The following BDNF variants were observed in gnomAD, a reference collection of about 807,000 sequenced individuals.
BDNF encodes the protein brain derived neurotrophic factor, also known as neurotrophic factor BDNF precursor form.
A neutral mutation model predicts 19.5 loss-of-function variants in BDNF; 1 was observed. The observed-to-expected ratio is 0.05, with a 90% CI of 0.02 to 0.24. BDNF has a LOEUF of 0.24. Ranked by LOEUF, BDNF falls within the 10% of genes least tolerant of loss-of-function variation. The probability of loss-of-function intolerance (pLI) is 1.00; values close to 1 mark genes in which losing one functional copy is unlikely to be tolerated. For synonymous variants in BDNF, 100 were observed against 121.6 expected (o/e 0.82, Z 1.17); for missense variants, 195 against 317.6 (o/e 0.61, Z 2.93).
At chr11:27,719,857 T>A in intron 1 of BDNF, 1 of 183,350 alleles carries the variant, frequency 5.5e-6, no homozygotes, top group Non-Finnish European at 1.0e-5. Context: ...CATTTTTTTG[T>A]GTTGGAGGTT....
chr11:27,694,503 G>A (rs72881243), intron 1 of BDNF, among the ~76,000 whole-genome samples: 8,493 of 151,496 alleles, frequency 0.056, 589 homozygotes, highest in African/African-American at 0.17. Flanking sequence ...TGTTGTGGGC[G>A]CATGCAAAAA....
At chr11:27,687,091 G>A (rs752298006) in intron 1 of BDNF, among the ~76,000 whole-genome samples, 1 of 152,108 alleles carries the variant, frequency 6.6e-6, no homozygotes, top group Non-Finnish European at 1.5e-5. Context: ...TTTCTTGGAG[G>A]CTTTGTTCCT....
exon 1 of BDNF, chr11:27,721,656 A>G: frequency 2.5e-5 from 15 of 595,086 alleles, no homozygotes; most frequent in South Asian, 1.4e-4. Flanking sequence ...CGAAAAACCT[A>G]TAGATTTACG....
At chr11:27,667,071 G>A (rs139873647) in intron 1 of BDNF, among the ~76,000 whole-genome samples, 398 of 151,518 alleles carry the variant, frequency 2.6e-3, no homozygotes, top group East Asian at 0.022. Context: ...AGCATCTTTC[G>A]GCAGAAACTC....
rs529687571 is a variant in BDNF, at chr11:27,656,700, T to G, written c.*1121A>C. ...GCTCTACCTTTTGCTTACAAGACATTGTTAAGCCTCACCATGAGTTTTTTT... is the reference window on the plus strand; with the variant it reads ...GCTCTACCTTTTGCTTACAAGACATGGTTAAGCCTCACCATGAGTTTTTTT... On this transcript the variant is annotated 3_prime_UTR_variant, in exon 2 of 2. Transcript: ENST00000356660. 5 of 985,564 alleles carry G rather than the reference T, an allele frequency of 5.1e-6. No homozygotes were observed. The African/African-American group carries it at 8.7e-5, about 17-fold the overall frequency. The allele number at this position is 985,564 out of a possible 1,614,324, so 61.1% of individuals were successfully genotyped here. A position where few individuals can be genotyped will look rare whatever the true frequency, so the allele number is the denominator to read the frequency against.
Position 27,655,407 on chromosome 11 carries a change from C to CTGGCCCTT in BDNF, c.*2406_*2413dup. The CTGGCCCTT allele has an allele frequency of 6.6e-6, 1 of 152,542 alleles. No homozygotes were observed. Among genetic ancestry groups the CTGGCCCTT allele is most frequent in the Middle Eastern group, 3.4e-3 (1 of 294 alleles). 9.4% of individuals were successfully genotyped at this position (152,542 alleles called of 1,614,324 possible). On this transcript the variant is annotated 3_prime_UTR_variant, in exon 2 of 2. Coordinates refer to ENST00000356660, the MANE Select transcript of BDNF (RefSeq NM_001709.5). ...TCTCCTATGAAACCACTTAACAGAT[C>CTGGCCCTT]TGGCCCTTGCAATCCTTTAAGTTTG...
At chr11:27,683,759 GTCTA>G (rs911040404) in intron 1 of BDNF, among the ~76,000 whole-genome samples, 1 of 152,172 alleles carries the variant, frequency 6.6e-6, no homozygotes, top group Non-Finnish European at 1.5e-5. Context: ...TGTTCCATTG[GTCTA>G]TCTATCTGTT....
chr11:27,703,945 C>A (rs183126193), upstream of BDNF, among the ~76,000 whole-genome samples: 5 of 152,256 alleles, frequency 3.3e-5, no homozygotes, highest in African/African-American at 1.2e-4. Flanking sequence ...TGTACCAGTG[C>A]CTTGCATGGA....
intron 1 of BDNF, among the ~76,000 whole-genome samples, chr11:27,693,812 A>C (rs951867415): frequency 1.3e-5 from 2 of 152,248 alleles, no homozygotes; most frequent in African/African-American, 2.4e-5. Context: ...TGAAGGCAGA[A>C]AGAAAGAATC....
At chr11:27,693,072 A>G (rs1253337172) in intron 1 of BDNF, among the ~76,000 whole-genome samples, 2 of 152,140 alleles carry the variant, frequency 1.3e-5, no homozygotes, top group Non-Finnish European at 2.9e-5. Context: ...CAAATTCCCT[A>G]TGCATCCTGG....
chr11:27,711,306 G>A (rs780912132), intron 1 of BDNF, among the ~76,000 whole-genome samples: 34 of 152,202 alleles, frequency 2.2e-4, no homozygotes, highest in Non-Finnish European at 4.1e-4. Context: ...TATTATTAAT[G>A]TATATGATCC....
chr11:27,703,116 A>T (rs1481020292), upstream of BDNF, among the ~76,000 whole-genome samples: 1 of 152,192 alleles, frequency 6.6e-6, no homozygotes, highest in Non-Finnish European at 1.5e-5. Flanking sequence ...TTTATTGTGG[A>T]ATATTTAATG....
At chr11:27,701,683 A>C, upstream of BDNF, 1 of 920,142 alleles carries the variant, frequency 1.1e-6, no homozygotes, top group South Asian at 5.0e-5. Flanking sequence ...CTGTCATATG[A>C]TACCTCCGCT....
At chr11:27,671,648 C>G (rs1855394755) in intron 1 of BDNF, among the ~76,000 whole-genome samples, 1 of 151,992 alleles carries the variant, frequency 6.6e-6, no homozygotes, top group Admixed American at 6.6e-5. Flanking sequence ...TTCCTGGGGC[C>G]TGAGATTAGA....
chr11:27,684,764 A>G (rs1398016101), intron 1 of BDNF, among the ~76,000 whole-genome samples: 2 of 152,066 alleles, frequency 1.3e-5, no homozygotes, highest in Non-Finnish European at 2.9e-5. Flanking sequence ...TTATCATGGT[A>G]GATAAGCTTT....
At chr11:27,665,120 ATC>A (rs1350572542) in intron 1 of BDNF, 15 of 152,220 alleles carry the variant, frequency 9.9e-5, no homozygotes, top group African/African-American at 3.6e-4. Context: ...TTCAGGTGGG[ATC>A]TGTTACAATT....
intron 1 of BDNF, among the ~76,000 whole-genome samples, chr11:27,669,168 C>A (rs1854893801): frequency 6.6e-6 from 1 of 152,094 alleles, no homozygotes; most frequent in Non-Finnish European, 1.5e-5. Context: ...CCATGATTAT[C>A]TCAATAGATG....
intron 1 of BDNF, chr11:27,697,760 CT>C (rs1859283907): frequency 1.3e-5 from 2 of 152,110 alleles, no homozygotes; most frequent in Admixed American, 1.3e-4. Context: ...AAAATATCAC[CT>C]TAAAATAAAG....
At position 27,656,998 on chromosome 11, in the gene BDNF, C is replaced by T. The variant is rs773522966; in HGVS notation, c.*823G>A. On this transcript the variant is annotated 3_prime_UTR_variant, in exon 2 of 2. Transcript: ENST00000356660. ...TGTTCTGAGCAAACATAGGTCCTTCCGTCAAAAGCAGCTTACTCTGACCAA... is the reference window on the plus strand; with the variant it reads ...TGTTCTGAGCAAACATAGGTCCTTCTGTCAAAAGCAGCTTACTCTGACCAA... 12 of 985,354 alleles carry T rather than the reference C, an allele frequency of 1.2e-5. No homozygotes were observed. Among genetic ancestry groups the T allele is most frequent in the Non-Finnish European group, 1.4e-5 (12 of 829,946 alleles). 61.0% of individuals were successfully genotyped at this position (985,354 alleles called of 1,614,324 possible).
Sources: gnomAD v4.1 joint callset for allele counts (sites outside exome capture counted in the v4.1 genomes callset) on GRCh38, gnomAD v4.1.1 for gene constraint, MANE v1.5 for transcripts, NCBI Gene and HGNC (gene_info 2026-07-23, HGNC 2026-07-21) for gene names.